The following IQCM variants were observed in gnomAD, a reference collection of about 807,000 sequenced individuals.
The protein encoded by IQCM is IQ domain-containing protein M.
IQCM carries 45 observed loss-of-function variants against 57.6 expected under a neutral mutation model. The observed-to-expected ratio is 0.78, with a 90% CI of 0.62 to 1.00. The LOEUF is 1.00. IQCM is among the 50% of genes least tolerant of loss of function. The pLI is 0.00. For synonymous variants in IQCM, 148 were observed against 158.9 expected (o/e 0.93, Z 0.51); for missense variants, 468 against 511.6 (o/e 0.91, Z 0.82).
chr4:149,472,134 G>A (rs1700008895), intron 12 of IQCM, among the ~76,000 whole-genome samples: 1 of 152,160 alleles, frequency 6.6e-6, no homozygotes, highest in South Asian at 2.1e-4. Context: ...AATCAGGCAA[G>A]AGAAAGAAAT....
At chr4:149,392,489 GA>G (rs1240854929) in intron 13 of IQCM, among the ~76,000 whole-genome samples, 1 of 151,932 alleles carries the variant, frequency 6.6e-6, no homozygotes, top group Non-Finnish European at 1.5e-5. Flanking sequence ...CGGGGAAAAG[GA>G]AATGACATAG....
intron 12 of IQCM, among the ~76,000 whole-genome samples, chr4:149,498,572 G>A (rs1742911786): frequency 1.3e-5 from 2 of 152,136 alleles, no homozygotes; most frequent in Non-Finnish European, 2.9e-5. Context: ...GGAACTAAGA[G>A]GGGCTATGTA....
chr4:149,767,937 C>G (rs1326279803), intron 2 of IQCM, among the ~76,000 whole-genome samples: 2 of 151,888 alleles, frequency 1.3e-5, no homozygotes, highest in Non-Finnish European at 2.9e-5. Context: ...CTAAGAATAT[C>G]TGTTTTATGG....
At chr4:149,425,542 T>C (rs899927608) in intron 13 of IQCM, among the ~76,000 whole-genome samples, 1 of 151,992 alleles carries the variant, frequency 6.6e-6, no homozygotes, top group African/African-American at 2.4e-5. Flanking sequence ...AGAAGATGGA[T>C]GTCCTAGCTC....
chr4:149,354,113 C>G (rs1215758047), intron 13 of IQCM, among the ~76,000 whole-genome samples: 6 of 151,580 alleles, frequency 4.0e-5, no homozygotes, highest in African/African-American at 1.5e-4. Context: ...GCCTGTAATC[C>G]CAGCACTTTG....
At position 149,548,596 on chromosome 4, in the gene IQCM, G is replaced by T; in HGVS notation, c.1094-7C>A. On this transcript the variant is annotated splice_region_variant and splice_polypyrimidine_tract_variant and intron_variant, in intron 11 of 13. Transcript: ENST00000636793. ...GCAAACATTATTTCATAGACTAAAA[G>T]GACAAAAATGTAAAAGAAAATATTT... The T allele has an allele frequency of 8.3e-7, 1 of 1,198,244 alleles. No individual in the cohort carries two copies. The highest frequency in any genetic ancestry group is 1.0e-6 in the Non-Finnish European group (1 of 957,310). 74.2% of individuals were successfully genotyped at this position (1,198,244 alleles called of 1,614,324 possible).
chr4:149,620,146 G>T (rs917729953), intron 8 of IQCM, among the ~76,000 whole-genome samples: 1 of 150,254 alleles, frequency 6.7e-6, no homozygotes, highest in African/African-American at 2.4e-5. Context: ...AACAGAGAGA[G>T]ACTCCGTCTC....
At chr4:149,356,362 G>A (rs1439869042) in intron 13 of IQCM, among the ~76,000 whole-genome samples, 1 of 152,016 alleles carries the variant, frequency 6.6e-6, no homozygotes, top group African/African-American at 2.4e-5. Context: ...TTCTTCTAGG[G>A]TTTTTATGGT....
chr4:149,601,147 T>G (rs1754243675), intron 8 of IQCM, among the ~76,000 whole-genome samples: 1 of 152,208 alleles, frequency 6.6e-6, no homozygotes, highest in Non-Finnish European at 1.5e-5. Context: ...TCTCAAACTT[T>G]AAAGTGCTTA....
intron 12 of IQCM, among the ~76,000 whole-genome samples, chr4:149,532,943 G>A (rs960024727): frequency 2.6e-5 from 4 of 152,126 alleles, no homozygotes; most frequent in African/African-American, 9.7e-5. Context: ...GGAGGGCAGA[G>A]GTCAGTGGGA....
At chr4:149,463,932 A>T (rs1738566918) in intron 12 of IQCM, among the ~76,000 whole-genome samples, 1 of 152,186 alleles carries the variant, frequency 6.6e-6, no homozygotes, top group Admixed American at 6.5e-5. Flanking sequence ...ATCCTAGGAG[A>T]TTCAATAAGT....
chr4:149,600,764 C>T (rs547789336), intron 8 of IQCM, among the ~76,000 whole-genome samples: 12 of 152,234 alleles, frequency 7.9e-5, no homozygotes, highest in African/African-American at 2.2e-4. Flanking sequence ...TAAATCACCA[C>T]GGATCTGATT....
Position 149,790,265 on chromosome 4 carries a change from T to C in IQCM, c.-49+25046A>G, listed in dbSNP as rs111829271. The stretch of plus-strand genomic sequence containing the variant: ...GAAATTTACACATGATCAAATAATG[T>C]GATGATATGGAGAAGAGCCTGCTAG... On this transcript the variant is annotated intron_variant, in intron 2 of 13. Coordinates refer to ENST00000636793, the MANE Select transcript of IQCM (RefSeq NM_001363507.2). 4.0e-4 allele frequency: 107 copies of C among 264,654 alleles called. 1 individual carries two copies. The highest frequency in any genetic ancestry group is 2.2e-3 in the African/African-American group (98 of 44,262). 16.4% of individuals were successfully genotyped at this position (264,654 alleles called of 1,614,324 possible).
At chr4:149,415,390 A>G (rs1454702626) in intron 13 of IQCM, among the ~76,000 whole-genome samples, 3 of 152,182 alleles carry the variant, frequency 2.0e-5, no homozygotes. Flanking sequence ...AAAATGAAAA[A>G]GAAAGTATCT....
At chr4:149,515,941 A>G (rs1744913338) in intron 12 of IQCM, among the ~76,000 whole-genome samples, 1 of 152,078 alleles carries the variant, frequency 6.6e-6, no homozygotes, top group African/African-American at 2.4e-5. Flanking sequence ...GATTTTAATA[A>G]TCAAGTGGTT....
intron 13 of IQCM, among the ~76,000 whole-genome samples, chr4:149,412,547 A>G (rs1162052064): frequency 6.6e-6 from 1 of 152,130 alleles, no homozygotes; most frequent in Non-Finnish European, 1.5e-5. Context: ...CACTCATTCA[A>G]AACTATTTAC....
chr4:149,611,860 G>A (rs1211494790), intron 8 of IQCM, among the ~76,000 whole-genome samples: 5 of 151,312 alleles, frequency 3.3e-5, no homozygotes, highest in Non-Finnish European at 7.4e-5. Context: ...CTAACATAAA[G>A]AAATAATAAA....
intron 12 of IQCM, among the ~76,000 whole-genome samples, chr4:149,444,783 A>C (rs1182223471): frequency 6.6e-6 from 1 of 151,996 alleles, no homozygotes; most frequent in Admixed American, 6.6e-5. Flanking sequence ...GATATTAGTT[A>C]AATTGATAAC....
intron 5 of IQCM, among the ~76,000 whole-genome samples, chr4:149,699,751 C>G (rs3736406): frequency 1.4e-5 from 2 of 144,426 alleles, no homozygotes; most frequent in African/African-American, 5.2e-5. Flanking sequence ...GAGACCTTGA[C>G]GGAGATTTAG....
Sources: allele counts gnomAD v4.1 joint callset (sites outside exome capture counted in the v4.1 genomes callset), GRCh38; gene constraint gnomAD v4.1.1; transcripts MANE v1.5; gene names NCBI Gene and HGNC (gene_info 2026-07-23, HGNC 2026-07-21).